The following LYSMD4 variants were observed in gnomAD, a reference collection of about 807,000 sequenced individuals.
LYSMD4 encodes lysM and putative peptidoglycan-binding domain-containing protein 4.
In LYSMD4, 9 loss-of-function variants were observed where a neutral mutation model predicts 6.1. The observed-to-expected ratio is 1.47, with a 90% CI of 0.88 to 2.56. The LOEUF (loss-of-function observed/expected upper bound fraction) is 2.56. Among genes scored for constraint, LYSMD4 ranks in the 30% most tolerant of loss-of-function variants. LYSMD4 has a pLI of 0.00. For missense variants in LYSMD4, 384 were observed against 373.5 expected, an observed-to-expected ratio of 1.03 and a Z score of -0.23; for synonymous variants, 143 against 148.5, an observed-to-expected ratio of 0.96 and a Z score of 0.27.
exon 1 of LYSMD4, chr15:99,715,867 C>T (rs77710130): frequency 0.13 from 19,041 of 152,304 alleles, 1,418 homozygotes; most frequent in East Asian, 0.25. Context: ...AATCAAAACT[C>T]CATCTTTTGA....
At chr15:99,731,266 A>G in intron 2 of LYSMD4, 1 of 1,602,628 alleles carries the variant, frequency 6.2e-7, no homozygotes, top group Non-Finnish European at 8.5e-7. Context: ...ATGCAGTTCT[A>G]AACGAGAGAA....
At chr15:99,723,835 C>A (rs1331275394), downstream of LYSMD4, among the ~76,000 whole-genome samples, 1 of 144,186 alleles carries the variant, frequency 6.9e-6, no homozygotes, top group African/African-American at 2.9e-5. Context: ...CAGCATTCTT[C>A]ACTTCAGTGC....
chr15:99,722,918 C>G (rs1212612175), downstream of LYSMD4, among the ~76,000 whole-genome samples: 2 of 152,126 alleles, frequency 1.3e-5, no homozygotes, highest in African/African-American at 4.8e-5. Context: ...GTAATCCCAG[C>G]TGCTTGGAAA....
chr15:99,722,809 C>A (rs1323747644), downstream of LYSMD4, among the ~76,000 whole-genome samples: 1 of 152,064 alleles, frequency 6.6e-6, no homozygotes, highest in African/African-American at 2.4e-5. Flanking sequence ...CTGGGGCGGG[C>A]GGATCACTTG....
upstream of LYSMD4, among the ~76,000 whole-genome samples, chr15:99,721,706 C>A (rs2059239262): frequency 6.6e-6 from 1 of 152,214 alleles, no homozygotes; most frequent in Non-Finnish European, 1.5e-5. Context: ...GGCTGCCCCT[C>A]CCCTGACCCT....
At chr15:99,732,088 TAG>T (rs1218058513) in intron 1 of LYSMD4, 81 bp from the exon 2 acceptor site, 6 of 1,398,214 alleles carry the variant, frequency 4.3e-6, no homozygotes, top group East Asian at 5.0e-5. Flanking sequence ...AGTGTCTTGT[TAG>T]AGAGTATTCC....
At chr15:99,725,672 C>A (rs189172079), downstream of LYSMD4, among the ~76,000 whole-genome samples, 1 of 152,084 alleles carries the variant, frequency 6.6e-6, no homozygotes, top group African/African-American at 2.4e-5. Context: ...ATGGATCTAA[C>A]TTTTCTTATT....
chr15:99,723,727 G>C (rs145839779), downstream of LYSMD4, among the ~76,000 whole-genome samples: 58 of 152,328 alleles, frequency 3.8e-4, no homozygotes, highest in African/African-American at 1.2e-3. Flanking sequence ...TCTCCATGCT[G>C]TCATGCATCG....
At chr15:99,719,758 G>A (rs1184419732), upstream of LYSMD4, among the ~76,000 whole-genome samples, 2 of 152,170 alleles carry the variant, frequency 1.3e-5, no homozygotes, top group African/African-American at 4.8e-5. Context: ...GAGTTCACCT[G>A]TAGTTTTGCA....
At chr15:99,726,804 A>G (rs1390880348), downstream of LYSMD4, among the ~76,000 whole-genome samples, 2 of 151,474 alleles carry the variant, frequency 1.3e-5, no homozygotes, top group African/African-American at 2.5e-5. Flanking sequence ...CACTGAAAAC[A>G]TAGCAAAATG....
chr15:99,731,271 A>G, intron 2 of LYSMD4: 1 of 1,602,686 alleles, frequency 6.2e-7, no homozygotes, highest in South Asian at 1.1e-5. Context: ...GTTCTAAACG[A>G]GAGAAGGTAA....
chr15:99,722,035 G>C (rs913737429), upstream of LYSMD4, among the ~76,000 whole-genome samples: 1 of 152,132 alleles, frequency 6.6e-6, no homozygotes, highest in Admixed American at 6.5e-5. Context: ...ATTCCCCCAA[G>C]TCTTTGGCTG....
exon 1 of LYSMD4, chr15:99,716,477 G>A (rs926885675): frequency 8.8e-6 from 4 of 456,822 alleles, no homozygotes; most frequent in Non-Finnish European, 1.8e-5. Context: ...AGACGGACTG[G>A]CTCTTCCTGT....
rs1372149255 is a variant in LYSMD4, at chr15:99,731,879, C to A, written c.121G>T (p.Glu41Ter). The change falls in exon 2 of 3, where the codon GAA (glutamate) becomes TAA (stop). Residue 41 changes from glutamate (E) to a stop codon, truncating the protein, a stop_gained. Transcript: ENST00000684762. LOFTEE classifies it high-confidence loss of function. ...GSGDSGDSSE[E>*]ESHRVVLRPR... ...CGCAAAACCACACGGTGAGACTCTT[C>A]TTCAGAAGAGTCCCCCGAGTCCCCA... 3.1e-6 allele frequency: 5 copies of A among 1,613,512 alleles called. No homozygotes were observed. The highest frequency in any genetic ancestry group is 3.3e-5 in the Admixed American group (2 of 60,006).
chr15:99,731,241 A>C (rs2059402192), intron 2 of LYSMD4: 1 of 1,606,386 alleles, frequency 6.2e-7, no homozygotes, highest in East Asian at 2.2e-5. Flanking sequence ...ATAGATACAC[A>C]GCATACAAAA....
At position 99,731,299 on chromosome 15, in the gene LYSMD4, A is replaced by G. The variant is rs1473627345; in HGVS notation, c.282+419T>C. Reference sequence around the variant, plus strand: ...GAAGGTAAAACTTTACCAAAAGTCAAGTAAGCTACCACCAAGAAAGGTTCA... The same window carrying G: ...GAAGGTAAAACTTTACCAAAAGTCAGGTAAGCTACCACCAAGAAAGGTTCA... On this transcript the variant is annotated intron_variant, in intron 2 of 2. Transcript: ENST00000684762. 3.1e-6 allele frequency: 5 copies of G among 1,601,416 alleles called. No individual in the cohort carries two copies. The African/African-American group carries it at 5.4e-5, about 17-fold the overall frequency.
upstream of LYSMD4, among the ~76,000 whole-genome samples, chr15:99,720,522 TCTTTA>T (rs1258111393): frequency 6.6e-6 from 1 of 152,190 alleles, no homozygotes; most frequent in African/African-American, 2.4e-5. Context: ...AGAAAGATCA[TCTTTA>T]CTTCACTGAG....
downstream of LYSMD4, among the ~76,000 whole-genome samples, chr15:99,725,828 G>A (rs1384789629): frequency 6.6e-6 from 1 of 152,184 alleles, no homozygotes; most frequent in Non-Finnish European, 1.5e-5. Flanking sequence ...ACAGTGGACT[G>A]TCAAGCAGGT....
At chr15:99,720,462 G>T (rs1337548854), upstream of LYSMD4, among the ~76,000 whole-genome samples, 3 of 152,114 alleles carry the variant, frequency 2.0e-5, no homozygotes, top group Non-Finnish European at 4.4e-5. Context: ...TCTACAAAAA[G>T]AAAAATACAC....
Sources: allele counts gnomAD v4.1 joint callset (sites outside exome capture counted in the v4.1 genomes callset), GRCh38; gene constraint gnomAD v4.1.1; transcripts MANE v1.5; gene names NCBI Gene and HGNC (gene_info 2026-07-23, HGNC 2026-07-21).